Variants in XKR9 observed in about 807,000 individuals in gnomAD.
The protein encoded by XKR9 is XK related 9.
A neutral mutation model predicts 32.0 loss-of-function variants in XKR9; 32 were observed. The observed-to-expected ratio is 1.00, with a 90% CI of 0.76 to 1.34. The LOEUF (loss-of-function observed/expected upper bound fraction) is 1.34, where lower values mean the gene tolerates loss of function less well. Among genes scored for constraint, XKR9 ranks in the 40% most tolerant of loss-of-function variants. XKR9 has a pLI of 0.00. For synonymous variants in XKR9, 168 were observed against 143.4 expected (o/e 1.17, Z -1.22); for missense variants, 546 against 429.7 (o/e 1.27, Z -2.39).
At chr8:70,690,443 C>T (rs1384184121) in intron 3 of XKR9, among the ~76,000 whole-genome samples, 2 of 152,060 alleles carry the variant, frequency 1.3e-5, no homozygotes, top group Non-Finnish European at 2.9e-5. Context: ...AATTCTTTCT[C>T]CTGCCTCAGT....
In XKR9 at chr8:70,718,922, C is replaced by T. The variant is rs913125156; in HGVS notation, c.493+11769C>T. 1.3e-4 allele frequency among the ~76,000 whole-genome samples: 20 copies of T among 152,178 alleles called. 1 individual carries two copies. Among genetic ancestry groups the T allele is most frequent in the Non-Finnish European group, 2.6e-4 (18 of 68,028 alleles). ...TGTCCACAATAGTTGAACTAATTTA[C>T]ACTCCCACCAGCAGTGTAAAAGCAT... is the stretch of plus-strand genomic sequence containing the variant. On this transcript the variant is annotated intron_variant, in intron 4 of 4. Coordinates refer to ENST00000408926, the MANE Select transcript of XKR9 (RefSeq NM_001011720.2).
the XKR9 span, among the ~76,000 whole-genome samples, chr8:70,904,118 G>T: frequency 2.0e-5 from 3 of 152,190 alleles, no homozygotes; most frequent in East Asian, 1.9e-4. Flanking sequence ...GGAGAGTTCT[G>T]CAGATGTCTG....
the XKR9 span, among the ~76,000 whole-genome samples, chr8:70,874,242 A>G: frequency 2.0e-5 from 3 of 152,142 alleles, no homozygotes; most frequent in Non-Finnish European, 4.4e-5. Flanking sequence ...CAATATCTCT[A>G]AAGTATGCCT....
chr8:70,835,713 C>T, the XKR9 span, among the ~76,000 whole-genome samples: 2 of 151,982 alleles, frequency 1.3e-5, no homozygotes, highest in African/African-American at 4.8e-5. Context: ...TAAGCAACTA[C>T]TTTTAGTCAT....
At chr8:70,742,922 T>G (rs1046940005) in intron 2 of XKR9, among the ~76,000 whole-genome samples, 2 of 152,116 alleles carry the variant, frequency 1.3e-5, no homozygotes, top group African/African-American at 4.8e-5. Flanking sequence ...TTCTCCTGCA[T>G]AGGATTCTCC....
chr8:70,971,179 C>T, the XKR9 span, among the ~76,000 whole-genome samples: 1 of 152,054 alleles, frequency 6.6e-6, no homozygotes, highest in African/African-American at 2.4e-5. Flanking sequence ...GAAGTGGTAT[C>T]GCATAGTGGT....
At chr8:71,027,963 A>C in the XKR9 span, among the ~76,000 whole-genome samples, 1 of 152,100 alleles carries the variant, frequency 6.6e-6, no homozygotes, top group Admixed American at 6.5e-5. Flanking sequence ...TTGTAGAGAC[A>C]GGGGCTTACT....
the XKR9 span, among the ~76,000 whole-genome samples, chr8:70,964,423 T>G: frequency 2.6e-5 from 4 of 152,192 alleles, no homozygotes; most frequent in African/African-American, 9.6e-5. Flanking sequence ...TTGTTCTTTT[T>G]GCTTAGGATT....
chr8:70,689,895 C>T (rs556213741), intron 3 of XKR9, among the ~76,000 whole-genome samples: 1 of 152,114 alleles, frequency 6.6e-6, no homozygotes, highest in East Asian at 1.9e-4. Context: ...AACTGAATTC[C>T]TGTGGCCATG....
the XKR9 span, among the ~76,000 whole-genome samples, chr8:70,948,891 C>T: frequency 6.6e-6 from 1 of 152,160 alleles, no homozygotes; most frequent in African/African-American, 2.4e-5. Context: ...AAGTTGAAAA[C>T]ACATGATAGT....
chr8:70,697,907 TC>T (rs1442303753), intron 3 of XKR9, among the ~76,000 whole-genome samples: 13 of 151,948 alleles, frequency 8.6e-5, no homozygotes, highest in African/African-American at 3.1e-4. Flanking sequence ...CCTGGTTTAG[TC>T]TTGGGAGGGT....
the XKR9 span, among the ~76,000 whole-genome samples, chr8:70,978,855 G>A: frequency 3.9e-5 from 6 of 152,154 alleles, no homozygotes; most frequent in African/African-American, 1.2e-4. Context: ...CATTCTCCGC[G>A]TCACTTTCCA....
the XKR9 span, among the ~76,000 whole-genome samples, chr8:71,060,190 G>C: frequency 1.3e-5 from 2 of 152,208 alleles, no homozygotes; most frequent in African/African-American, 4.8e-5. Context: ...TCTAAAGACA[G>C]TATTTGTGGA....
chr8:70,860,319 C>T, the XKR9 span, among the ~76,000 whole-genome samples: 2 of 152,048 alleles, frequency 1.3e-5, no homozygotes, highest in African/African-American at 4.8e-5. Flanking sequence ...AGCTAGCTCT[C>T]TTTATGCCAT....
intron 4 of XKR9, among the ~76,000 whole-genome samples, chr8:70,712,497 C>T (rs752756206): frequency 3.4e-4 from 51 of 152,060 alleles, no homozygotes; most frequent in Admixed American, 1.4e-3. Context: ...TGGTGAGGAA[C>T]CTCTCTCCCC....
the XKR9 span, among the ~76,000 whole-genome samples, chr8:71,004,998 C>CTTTTTTTTTTTT: frequency 4.1e-5 from 2 of 48,228 alleles, no homozygotes; most frequent in Non-Finnish European, 8.4e-5. Flanking sequence ...TTAATCTATG[C>CTTTTTTTTTTTT]TTTTTTTTTT....
chr8:70,886,405 A>G, the XKR9 span, among the ~76,000 whole-genome samples: 3 of 152,216 alleles, frequency 2.0e-5, no homozygotes, highest in African/African-American at 4.8e-5. Flanking sequence ...GTGTATACCA[A>G]ATAATGGGGT....
chr8:70,813,137 C>T, the XKR9 span, among the ~76,000 whole-genome samples: 12 of 152,158 alleles, frequency 7.9e-5, no homozygotes, highest in Middle Eastern at 3.4e-3. Context: ...GAAATAATGC[C>T]GCATATCTAC....
intron 4 of XKR9, among the ~76,000 whole-genome samples, chr8:70,714,409 T>C (rs1453517294): frequency 6.6e-6 from 1 of 151,972 alleles, no homozygotes; most frequent in Admixed American, 6.6e-5. Context: ...ATTTTTATTA[T>C]TTTAATACTC....
Sources: allele counts gnomAD v4.1 joint callset (sites outside exome capture counted in the v4.1 genomes callset), GRCh38; gene constraint gnomAD v4.1.1; transcripts MANE v1.5; gene names NCBI Gene and HGNC (gene_info 2026-07-23, HGNC 2026-07-21).